Variants in SNX29 observed in about 807,000 individuals in gnomAD.
SNX29 encodes the protein sorting nexin-29.
In SNX29, 78 loss-of-function variants were observed where a neutral mutation model predicts 102.1. The observed-to-expected ratio is 0.76, with a 90% confidence interval of 0.64 to 0.92. The LOEUF (loss-of-function observed/expected upper bound fraction) is 0.92, where lower values mean the gene tolerates loss of function less well. SNX29 is among the 40% of genes least tolerant of loss of function. SNX29 has a pLI of 0.00. For synonymous variants in SNX29, 580 were observed against 414.5 expected (o/e 1.40, Z -4.85); for missense variants, 1,280 against 1,061.7 (o/e 1.21, Z -2.86).
chr16:12,029,667 C>G (rs547168929), intron 4 of SNX29: 2 of 450,146 alleles, frequency 4.4e-6, no homozygotes, highest in Non-Finnish European at 8.9e-6. Context: ...TCTCAGCTCA[C>G]TGCAACCTCT....
At chr16:12,555,116 G>A (rs576930145) in intron 20 of SNX29, among the ~76,000 whole-genome samples, 106 of 118,704 alleles carry the variant, frequency 8.9e-4, no homozygotes, top group Non-Finnish European at 2.0e-3. Context: ...CAATCTCAGA[G>A]TATCAAAAGG....
At chr16:12,567,370 A>G (rs751573476) in intron 20 of SNX29, among the ~76,000 whole-genome samples, 25 of 152,266 alleles carry the variant, frequency 1.6e-4, no homozygotes, top group Non-Finnish European at 2.4e-4. Context: ...TTGTTTTAAA[A>G]CATTTTATCC....
At chr16:12,257,880 T>G (rs2078621906) in intron 14 of SNX29, among the ~76,000 whole-genome samples, 1 of 152,090 alleles carries the variant, frequency 6.6e-6, no homozygotes, top group South Asian at 2.1e-4. Context: ...CTGGGAGTCA[T>G]CCTGTGTTTT....
chr16:12,114,175 G>A (rs1410474407), intron 11 of SNX29, among the ~76,000 whole-genome samples: 1 of 152,152 alleles, frequency 6.6e-6, no homozygotes, highest in Non-Finnish European at 1.5e-5. Context: ...TTGGTTACAA[G>A]GGACAGAAAC....
At chr16:12,214,881 T>C (rs71385195) in intron 14 of SNX29, among the ~76,000 whole-genome samples, 11,163 of 152,244 alleles carry the variant, frequency 0.073, 625 homozygotes, top group South Asian at 0.28. Flanking sequence ...ACTTTAAAAA[T>C]GTAATCTCTT....
At chr16:12,543,264 C>G (rs1000827248) in intron 20 of SNX29, among the ~76,000 whole-genome samples, 1 of 152,208 alleles carries the variant, frequency 6.6e-6, no homozygotes, top group Non-Finnish European at 1.5e-5. Flanking sequence ...AGCTCTGGGT[C>G]ATCAGCGCAT....
chr16:12,558,236 C>T (rs34692936), intron 20 of SNX29, among the ~76,000 whole-genome samples: 2 of 13,484 alleles, frequency 1.5e-4, no homozygotes, highest in African/African-American at 7.0e-4. Context: ...CTTCAGCCCC[C>T]CCAGTAGATG....
At chr16:12,271,512 T>C (rs2079091505) in intron 14 of SNX29, among the ~76,000 whole-genome samples, 4 of 152,340 alleles carry the variant, frequency 2.6e-5, no homozygotes, top group African/African-American at 9.6e-5. Context: ...ATAGTCTGTT[T>C]ATTGGAGGTA....
intron 1 of SNX29, among the ~76,000 whole-genome samples, chr16:11,994,993 C>G (rs1478392801): frequency 6.6e-6 from 1 of 152,190 alleles, no homozygotes; most frequent in Non-Finnish European, 1.5e-5. Flanking sequence ...GTTCAGTGCT[C>G]TCCACTGTTC....
chr16:12,394,007 G>A (rs2151478949), intron 16 of SNX29, among the ~76,000 whole-genome samples: 1 of 152,364 alleles, frequency 6.6e-6, no homozygotes, highest in East Asian at 1.9e-4. Context: ...GAGAGCTTAT[G>A]TACTTGGCTC....
intron 16 of SNX29, among the ~76,000 whole-genome samples, chr16:12,363,766 A>G (rs1340775582): frequency 2.0e-5 from 3 of 152,188 alleles, no homozygotes; most frequent in African/African-American, 7.2e-5. Flanking sequence ...ATGCAGGTTG[A>G]GTAGCTCTTT....
intron 14 of SNX29, among the ~76,000 whole-genome samples, chr16:12,222,963 C>T (rs549059973): frequency 9.8e-5 from 15 of 152,302 alleles, no homozygotes; most frequent in African/African-American, 3.4e-4. Context: ...AACTGAGGCT[C>T]AATGCAGGGC....
chr16:12,169,247 T>G (rs1158890554), intron 13 of SNX29, among the ~76,000 whole-genome samples: 4 of 152,214 alleles, frequency 2.6e-5, no homozygotes, highest in Non-Finnish European at 4.4e-5. Context: ...AGGGAGGCTG[T>G]CCGGGAGCCC....
chr16:12,269,804 C>A lies in SNX29; in HGVS notation c.1679-8129C>A, dbSNP rs146108647. Among the ~76,000 whole-genome samples, 383 of 151,590 alleles carry A rather than the reference C, an allele frequency of 2.5e-3. 1 individual carries two copies. Among genetic ancestry groups the A allele is most frequent in the African/African-American group, 8.7e-3 (359 of 41,274 alleles). On this transcript the variant is annotated intron_variant, in intron 14 of 20. Coordinates refer to ENST00000566228, the MANE Select transcript of SNX29 (RefSeq NM_032167.5). ...TTGGGGTATTAAATTGTCATTCTTT[C>A]CATTTTACTTTACATCATCATCATC... is the stretch of plus-strand genomic sequence containing the variant.
intron 14 of SNX29, among the ~76,000 whole-genome samples, chr16:12,277,077 G>C (rs1159349227): frequency 1.3e-5 from 2 of 152,236 alleles, no homozygotes; most frequent in East Asian, 3.9e-4. Flanking sequence ...GTAGAAAAAG[G>C]AACTTGGCAA....
At chr16:12,102,688 A>G (rs2053071512) in intron 11 of SNX29, among the ~76,000 whole-genome samples, 1 of 152,194 alleles carries the variant, frequency 6.6e-6, no homozygotes, top group Non-Finnish European at 1.5e-5. Flanking sequence ...CCTATTCAAC[A>G]TAGTATTGCA....
chr16:12,422,066 A>G (rs764191736), intron 18 of SNX29, among the ~76,000 whole-genome samples: 1 of 152,192 alleles, frequency 6.6e-6, no homozygotes, highest in Non-Finnish European at 1.5e-5. Flanking sequence ...CACCATCATC[A>G]AACATTGTCA....
At chr16:12,322,274 G>A (rs2080964853) in intron 15 of SNX29, among the ~76,000 whole-genome samples, 1 of 152,150 alleles carries the variant, frequency 6.6e-6, no homozygotes, top group African/African-American at 2.4e-5. Context: ...CTGGAGCTGG[G>A]CGAGGAGTCA....
At chr16:12,292,215 C>T (rs971002449) in intron 15 of SNX29, among the ~76,000 whole-genome samples, 5 of 152,118 alleles carry the variant, frequency 3.3e-5, no homozygotes, top group Admixed American at 6.5e-5. Flanking sequence ...GCCACCTGGG[C>T]GTGTCAGGTG....
Sources: allele counts gnomAD v4.1 joint callset (sites outside exome capture counted in the v4.1 genomes callset), GRCh38; gene constraint gnomAD v4.1.1; transcripts MANE v1.5; gene names NCBI Gene and HGNC (gene_info 2026-07-23, HGNC 2026-07-21).